Variants in PTPRN2 observed in about 807,000 individuals in gnomAD.
PTPRN2 encodes receptor-type tyrosine-protein phosphatase N2.
A neutral mutation model predicts 118.8 loss-of-function variants in PTPRN2; 74 were observed. That is an observed-to-expected ratio of 0.62 (90% confidence interval 0.52 to 0.76). The LOEUF is 0.76. Ranked by LOEUF, PTPRN2 falls within the 30% of genes least tolerant of loss-of-function variation. The probability of loss-of-function intolerance (pLI) is 0.00; values close to 1 mark genes in which losing one functional copy is unlikely to be tolerated. For missense variants in PTPRN2, 1,481 were observed against 1,394.4 expected, an observed-to-expected ratio of 1.06 and a Z score of -0.99; for synonymous variants, 641 against 608.0, an observed-to-expected ratio of 1.05 and a Z score of -0.80.
At chr7:157,955,814 C>T (rs1483660603) in intron 11 of PTPRN2, among the ~76,000 whole-genome samples, 2 of 152,200 alleles carry the variant, frequency 1.3e-5, no homozygotes, top group African/African-American at 4.8e-5. Context: ...GAACAGTTTG[C>T]ACCCAGCTCT....
At chr7:158,182,072 T>C (rs1467294509) in intron 5 of PTPRN2, among the ~76,000 whole-genome samples, 6 of 152,338 alleles carry the variant, frequency 3.9e-5, no homozygotes, top group Admixed American at 6.5e-5. Context: ...CCTCTTAGCA[T>C]TGCTTTTGCC....
rs1023916958 is a variant in PTPRN2 at position 157,780,389 on chromosome 7, G to A, written c.1789-97452C>T. ...TCTGTCAGTTTATATAAGGGGTGGC[G>A]GCTGCTCAGCGAGGCCTCAGGAGTG... On this transcript the variant is annotated intron_variant, in intron 12 of 22. Transcript: ENST00000389418. This position sits in a 1 kb window ranked among gnomAD's most constrained non-coding sequence, Gnocchi z 4.5. Among the ~76,000 whole-genome samples, 47 of 152,174 alleles carry A rather than the reference G, an allele frequency of 3.1e-4. No homozygotes were observed. The highest frequency in any genetic ancestry group is 1.0e-3 in the African/African-American group (42 of 41,450).
intron 10 of PTPRN2, among the ~76,000 whole-genome samples, chr7:158,105,602 C>T (rs1031817485): frequency 6.6e-6 from 1 of 151,862 alleles, no homozygotes; most frequent in African/African-American, 2.4e-5. Flanking sequence ...TCCATCCCTA[C>T]TCCATCCCAA....
chr7:158,311,608 TC>T (rs773095678), intron 3 of PTPRN2, among the ~76,000 whole-genome samples: 1 of 152,214 alleles, frequency 6.6e-6, no homozygotes. Context: ...TGAAATTAAC[TC>T]CCATTTACCC....
chr7:158,001,323 A>G (rs1037427794), intron 11 of PTPRN2, among the ~76,000 whole-genome samples: 5 of 129,814 alleles, frequency 3.9e-5, no homozygotes, highest in Admixed American at 3.3e-4. Context: ...TTGGCTGTGC[A>G]TGTCACAGAG....
chr7:158,138,477 G>A lies in PTPRN2; in HGVS notation c.949C>T (p.Gln317Ter). Residue 317 changes from glutamine (Q) to a stop codon, truncating the protein, a stop_gained, in exon 7 of 23, where the codon CAG becomes TAG. Transcript: ENST00000389418. LOFTEE classifies it high-confidence loss of function. ...IHTLLKDLQRQPAEVRGLSGL... is the reference protein window; with the variant it reads ...IHTLLKDLQR ...CTCAGGCCCCTCACCTCAGCCGGCT[G>A]CCTCTGCAGGTCCTTCAGGAGGGTA... is the stretch of plus-strand genomic sequence containing the variant. The A allele has an allele frequency of 6.2e-7, 1 of 1,612,986 alleles. No homozygotes were observed. The highest frequency in any genetic ancestry group is 8.5e-7 in the Non-Finnish European group (1 of 1,180,040).
chr7:157,787,870 G>A lies in PTPRN2; in HGVS notation c.1789-104933C>T, dbSNP rs1035845875. Among the ~76,000 whole-genome samples the A allele has an allele frequency of 6.6e-6, 1 of 152,122 alleles. No homozygotes were observed. Among genetic ancestry groups the A allele is most frequent in the Non-Finnish European group, 1.5e-5 (1 of 68,010 alleles). On this transcript the variant is annotated intron_variant, in intron 12 of 22. Coordinates refer to ENST00000389418, the MANE Select transcript of PTPRN2 (RefSeq NM_002847.5). The surrounding 1 kb of genome is among the most constrained non-coding windows in gnomAD (Gnocchi z 5.3). ...CTCTTGGCATCTCCCTCACACCTCT[G>A]CACCCCCAGTGGATAAAAGCTGCTG...
intron 17 of PTPRN2, among the ~76,000 whole-genome samples, chr7:157,581,959 T>C (rs1298957675): frequency 2.0e-5 from 3 of 152,186 alleles, no homozygotes; most frequent in African/African-American, 7.2e-5. Context: ...ACACCCCTCA[T>C]GGCAGGCGGC....
At chr7:157,814,333 C>A (rs1239657753) in intron 12 of PTPRN2, among the ~76,000 whole-genome samples, 1 of 152,124 alleles carries the variant, frequency 6.6e-6, no homozygotes, top group African/African-American at 2.4e-5. Context: ...AAGGCCACGT[C>A]CACGGTGCCG....
At chr7:158,488,958 A>G (rs1821233223) in intron 2 of PTPRN2, among the ~76,000 whole-genome samples, 1 of 152,236 alleles carries the variant, frequency 6.6e-6, no homozygotes, top group South Asian at 2.1e-4. Flanking sequence ...CCAGCATGAC[A>G]GGCCCGGGTG....
intron 14 of PTPRN2, among the ~76,000 whole-genome samples, chr7:157,626,388 T>A (rs1445684685): frequency 6.6e-6 from 1 of 152,182 alleles, no homozygotes; most frequent in Non-Finnish European, 1.5e-5. Context: ...CTTTGCCCCG[T>A]CCCCACCGCC....
In PTPRN2 at chr7:157,546,837, G is replaced by A. The variant is rs144859196; in HGVS notation, c.2976+2109C>T. Among the ~76,000 whole-genome samples, 569 of 152,330 alleles carry A rather than the reference G, an allele frequency of 3.7e-3. 2 individuals carry two copies. The highest frequency in any genetic ancestry group is 0.013 in the African/African-American group (544 of 41,576). ...CTTCACGAAGGGTCCTGGGACCACC[G>A]TTGTGCACCTCAGCCATCTGTGTGC... is the stretch of plus-strand genomic sequence containing the variant. On this transcript the variant is annotated intron_variant, in intron 22 of 22. Coordinates refer to ENST00000389418, the MANE Select transcript of PTPRN2 (RefSeq NM_002847.5).
chr7:157,604,134 C>G, intron 15 of PTPRN2, 59 bp from the exon 16 acceptor site: 1 of 1,527,912 alleles, frequency 6.5e-7, no homozygotes, highest in Non-Finnish European at 9.0e-7. Flanking sequence ...GTGTGAGACC[C>G]CCACTTGGCC....
chr7:158,582,796 C>CAAAAAAAAAA (rs1156687117), intron 1 of PTPRN2, among the ~76,000 whole-genome samples: 1 of 44,294 alleles, frequency 2.3e-5, no homozygotes, highest in Non-Finnish European at 4.2e-5. Context: ...GACTCCATCT[C>CAAAAAAAAAA]AAAAAAAAAA....
intron 3 of PTPRN2, among the ~76,000 whole-genome samples, chr7:158,265,902 T>C (rs1394113048): frequency 6.6e-6 from 1 of 152,194 alleles, no homozygotes; most frequent in African/African-American, 2.4e-5. Flanking sequence ...GGGGGCTGCG[T>C]CCACCCCATC....
At chr7:157,559,000 G>C (rs1292888437) in intron 21 of PTPRN2, among the ~76,000 whole-genome samples, 1 of 152,260 alleles carries the variant, frequency 6.6e-6, no homozygotes, top group South Asian at 2.1e-4. Context: ...AGGCCAAGGA[G>C]GGAGCCGAGG....
chr7:157,735,447 G>A lies in PTPRN2; in HGVS notation c.1789-52510C>T, dbSNP rs150051283. ...TGCTGGTGACCTGCATCTTATCTGC[G>A]TCCACACTCAACTGTGTGCAGCGGC... On this transcript the variant is annotated intron_variant, in intron 12 of 22. Coordinates refer to ENST00000389418, the MANE Select transcript of PTPRN2 (RefSeq NM_002847.5). 7.5e-4 allele frequency among the ~76,000 whole-genome samples: 114 copies of A among 152,242 alleles called. No individual in the cohort carries two copies. In the South Asian group the frequency reaches 0.01, roughly 14 times the overall value.
At chr7:158,044,457 C>T (rs533030690) in intron 11 of PTPRN2, among the ~76,000 whole-genome samples, 35 of 152,334 alleles carry the variant, frequency 2.3e-4, no homozygotes, top group Non-Finnish European at 4.9e-4. Context: ...CTTTCTTTTT[C>T]CTACTAAATG....
intron 11 of PTPRN2, among the ~76,000 whole-genome samples, chr7:158,005,762 C>T (rs563499153): frequency 6.6e-5 from 10 of 152,214 alleles, no homozygotes; most frequent in East Asian, 3.9e-4. Context: ...AAGGGCCCAC[C>T]GTGGTTTCCC....
Sources: allele counts gnomAD v4.1 joint callset (sites outside exome capture counted in the v4.1 genomes callset), GRCh38; gene constraint gnomAD v4.1.1; non-coding constraint Gnocchi (gnomAD v3.1); transcripts MANE v1.5; gene names NCBI Gene and HGNC (gene_info 2026-07-23, HGNC 2026-07-21).